Variants in DEFB124 observed in about 807,000 individuals in gnomAD.
DEFB124 encodes defensin beta 124.
For synonymous variants in DEFB124, 38 were observed against 36.5 expected, an observed-to-expected ratio of 1.04 and a Z score of -0.15; for missense variants, 78 against 83.1, an observed-to-expected ratio of 0.94 and a Z score of 0.24.
chr20:31,467,696 G>A (rs1980115981), intron 2 of DEFB124, among the ~76,000 whole-genome samples: 1 of 152,132 alleles, frequency 6.6e-6, no homozygotes, highest in African/African-American at 2.4e-5. Flanking sequence ...TAGCCACTAA[G>A]TGGTGGGTCT....
chr20:31,467,718 C>T (rs1409057038), intron 2 of DEFB124, among the ~76,000 whole-genome samples: 1 of 152,104 alleles, frequency 6.6e-6, no homozygotes, highest in Admixed American at 6.6e-5. Context: ...GAACCGGAAC[C>T]CGAGACCCTA....
chr20:31,466,674 A>C (rs937082490), intron 2 of DEFB124, among the ~76,000 whole-genome samples: 2 of 149,366 alleles, frequency 1.3e-5, no homozygotes, highest in Admixed American at 1.3e-4. Context: ...TTGGACTCAA[A>C]CCCAAGCAAT....
chr20:31,465,627 C>T lies in DEFB124; in HGVS notation c.95G>A (p.Gly32Glu), dbSNP rs1980064204. 1 of 1,613,976 alleles carries T rather than the reference C, an allele frequency of 6.2e-7. No individual in the cohort carries two copies. Among genetic ancestry groups the T allele is most frequent in the Admixed American group, 1.7e-5 (1 of 59,984 alleles). The change falls in exon 3 of 3, where the codon GGG (glycine) becomes GAG (glutamate). Residue 32 changes from glycine to glutamate, a missense_variant. Coordinates refer to ENST00000317676, the MANE Select transcript of DEFB124 (RefSeq NM_001037500.2). ...SEFKRCWKGQ[G>E]ACQTYCTRQE... ...CCTTGTGCAGTAAGTTTGGCAGGCC[C>T]CTTGACCCTTCCAGCACCGTTTGAA...
At chr20:31,472,026 C>G (rs1317752141) in intron 2 of DEFB124, among the ~76,000 whole-genome samples, 1 of 152,076 alleles carries the variant, frequency 6.6e-6, no homozygotes, top group South Asian at 2.1e-4. Flanking sequence ...GCTGCAATCT[C>G]GGCACTTTGG....
At chr20:31,473,855 C>T (rs892276835) in intron 1 of DEFB124, among the ~76,000 whole-genome samples, 1 of 152,204 alleles carries the variant, frequency 6.6e-6, no homozygotes, top group Non-Finnish European at 1.5e-5. Context: ...TTAACAAGCC[C>T]TCCAAGTGAT....
chr20:31,468,879 A>C (rs1456786935), intron 2 of DEFB124, among the ~76,000 whole-genome samples: 1 of 152,100 alleles, frequency 6.6e-6, no homozygotes, highest in African/African-American at 2.4e-5. Context: ...TGGGAGGCCA[A>C]AGCTGGAGGA....
chr20:31,468,735 A>G (rs1341553134), intron 2 of DEFB124, among the ~76,000 whole-genome samples: 1 of 151,536 alleles, frequency 6.6e-6, no homozygotes, highest in Non-Finnish European at 1.5e-5. Context: ...TCGGCCTCCC[A>G]AAGTGCTGGG....
Position 31,470,385 on chromosome 20 carries a change from C to G in DEFB124, c.58+2571G>C, listed in dbSNP as rs1244752954. ...GGTGGCTGGCCGGGCGGGGGGCTGA[C>G]CCCCCCACCTCCCTCCCGGACGGGG... is the stretch of plus-strand genomic sequence containing the variant. On this transcript the variant is annotated intron_variant, in intron 2 of 2. Transcript: ENST00000317676. Among the ~76,000 whole-genome samples the G allele has an allele frequency of 6.2e-5, 8 of 128,154 alleles. No homozygotes were observed. In the South Asian group the frequency reaches 7.9e-4, roughly 13 times the overall value. 84.1% of individuals were successfully genotyped at this position (128,154 alleles called of 152,430 possible).
At chr20:31,466,139 A>G (rs1206139686) in intron 2 of DEFB124, among the ~76,000 whole-genome samples, 2 of 152,214 alleles carry the variant, frequency 1.3e-5, no homozygotes, top group Non-Finnish European at 1.5e-5. Flanking sequence ...ACTGGGCAAC[A>G]GAGGGAGACT....
chr20:31,475,080 TC>T lies in DEFB124; in HGVS notation c.-480del, dbSNP rs1980440851. On this transcript the variant is annotated 5_prime_UTR_variant, in exon 1 of 3. Coordinates refer to ENST00000317676, the MANE Select transcript of DEFB124 (RefSeq NM_001037500.2). The surrounding 1 kb of genome is among the most constrained non-coding windows in gnomAD (Gnocchi z 5.0). ...CCCAGGAATCCAGAGCCCCCATCCT[TC>T]CTTTCTCGTCTGCCACCCTCACCCG... Among the ~76,000 whole-genome samples the T allele has an allele frequency of 6.6e-6, 1 of 152,212 alleles. No homozygotes were observed. The highest frequency in any genetic ancestry group is 6.5e-5 in the Admixed American group (1 of 15,280).
At chr20:31,472,831 G>T in intron 2 of DEFB124, 125 bp downstream of exon 2, 1 of 1,243,708 alleles carries the variant, frequency 8.0e-7, no homozygotes, top group Non-Finnish European at 1.1e-6. Flanking sequence ...CAAGTCAGTG[G>T]TGGGGCCAGA....
chr20:31,473,023 G>A lies in DEFB124; in HGVS notation c.-10C>T, dbSNP rs142554667. 24 of 1,613,922 alleles carry A rather than the reference G, an allele frequency of 1.5e-5. No homozygotes were observed. The African/African-American group carries it at 2.7e-4, about 18-fold the overall frequency. ...GAAGCAGCTGTGTCATGGCCACGGG[G>A]CTCCTGGGGAGGCTGCTGGAGAGAG... On this transcript the variant is annotated 5_prime_UTR_variant, in exon 2 of 3. Coordinates refer to ENST00000317676, the MANE Select transcript of DEFB124 (RefSeq NM_001037500.2).
chr20:31,471,466 C>T (rs1488716026), intron 2 of DEFB124, among the ~76,000 whole-genome samples: 3 of 130,642 alleles, frequency 2.3e-5, no homozygotes, highest in East Asian at 2.4e-4. Flanking sequence ...GGACTGACCC[C>T]CCCCACCTCC....
intron 2 of DEFB124, among the ~76,000 whole-genome samples, chr20:31,471,685 A>C (rs1336225115): frequency 7.2e-6 from 1 of 138,148 alleles, no homozygotes; most frequent in Non-Finnish European, 1.5e-5. Context: ...CACTTCTCAG[A>C]CGGGGCGGCT....
chr20:31,475,086 C>T lies in DEFB124; in HGVS notation c.-485G>A, dbSNP rs993879855. On this transcript the variant is annotated 5_prime_UTR_variant, in exon 1 of 3. Coordinates refer to ENST00000317676, the MANE Select transcript of DEFB124 (RefSeq NM_001037500.2). This position sits in a 1 kb window ranked among gnomAD's most constrained non-coding sequence, Gnocchi z 5.0. ...AATCCAGAGCCCCCATCCTTCCTTTCTCGTCTGCCACCCTCACCCGGTGCG... is the reference window on the plus strand; with the variant it reads ...AATCCAGAGCCCCCATCCTTCCTTTTTCGTCTGCCACCCTCACCCGGTGCG... Among the ~76,000 whole-genome samples the T allele has an allele frequency of 2.6e-5, 4 of 152,262 alleles. No homozygotes were observed. Among genetic ancestry groups the T allele is most frequent in the African/African-American group, 9.6e-5 (4 of 41,468 alleles).
intron 2 of DEFB124, among the ~76,000 whole-genome samples, chr20:31,468,876 C>A (rs760566273): frequency 1.3e-5 from 2 of 152,056 alleles, no homozygotes; most frequent in African/African-American, 2.4e-5. Context: ...TTTTGGGAGG[C>A]CAAAGCTGGA....
chr20:31,468,770 C>G (rs1391698481), intron 2 of DEFB124, among the ~76,000 whole-genome samples: 2 of 152,054 alleles, frequency 1.3e-5, no homozygotes, highest in Admixed American at 1.3e-4. Flanking sequence ...CCACCGCGCC[C>G]GGCCAGGGTT....
chr20:31,471,057 A>ACC (rs539906022), intron 2 of DEFB124, among the ~76,000 whole-genome samples: 1 of 63,588 alleles, frequency 1.6e-5, no homozygotes, highest in African/African-American at 6.2e-5. Context: ...CGGGGGGCTG[A>ACC]CCCCCCCCAC....
intron 2 of DEFB124, among the ~76,000 whole-genome samples, chr20:31,468,704 T>G (rs1470566653): frequency 1.3e-5 from 2 of 152,012 alleles, no homozygotes; most frequent in Non-Finnish European, 2.9e-5. Flanking sequence ...CTCCATCTCT[T>G]GACCTCATGA....
Sources: gnomAD v4.1 joint callset for allele counts (sites outside exome capture counted in the v4.1 genomes callset) on GRCh38, gnomAD v4.1.1 for gene constraint, Gnocchi (gnomAD v3.1) non-coding constraint, MANE v1.5 for transcripts, NCBI Gene and HGNC (gene_info 2026-07-23, HGNC 2026-07-21) for gene names.